PRKG1: variants seen among roughly 807,000 people sequenced by gnomAD.
The protein encoded by PRKG1 is cGMP-dependent protein kinase 1.
PRKG1 carries 35 observed loss-of-function variants against 88.1 expected under a neutral mutation model. The observed-to-expected ratio is 0.40, with a 90% CI of 0.30 to 0.53. The LOEUF (loss-of-function observed/expected upper bound fraction) is 0.53. Among genes scored for constraint, PRKG1 ranks in the 20% least tolerant of loss-of-function variants. The probability of loss-of-function intolerance (pLI) is 0.59; values close to 1 mark genes in which losing one functional copy is unlikely to be tolerated. For missense variants in PRKG1, 540 were observed against 839.8 expected, an observed-to-expected ratio of 0.64 and a Z score of 4.41; for synonymous variants, 303 against 292.5, an observed-to-expected ratio of 1.04 and a Z score of -0.37.
intron 7 of PRKG1, among the ~76,000 whole-genome samples, chr10:52,095,220 G>A (rs12573665): frequency 0.13 from 20,464 of 151,908 alleles, 1,804 homozygotes; most frequent in East Asian, 0.3. Context: ...CCTCTGCCTG[G>A]CATATTCTTT....
At chr10:52,176,638 C>A (rs964566715) in intron 9 of PRKG1, among the ~76,000 whole-genome samples, 1 of 152,088 alleles carries the variant, frequency 6.6e-6, no homozygotes, top group Non-Finnish European at 1.5e-5. Flanking sequence ...AGTATTAATT[C>A]TGATCCATGA....
intron 2 of PRKG1, among the ~76,000 whole-genome samples, chr10:51,250,067 G>T (rs1483865582): frequency 6.6e-6 from 1 of 151,774 alleles, no homozygotes; most frequent in Non-Finnish European, 1.5e-5. Context: ...TGAGCCTACA[G>T]TTACTGAATG....
At chr10:52,282,094 T>C (rs2132449340) in intron 13 of PRKG1, 59 bp from the exon 14 acceptor site, 1 of 1,417,488 alleles carries the variant, frequency 7.1e-7, no homozygotes, top group Middle Eastern at 1.9e-4. Flanking sequence ...CAAAATAACT[T>C]ATTACTTTAA....
intron 2 of PRKG1, among the ~76,000 whole-genome samples, chr10:51,428,193 G>T: frequency 6.6e-6 from 1 of 152,156 alleles, no homozygotes; most frequent in South Asian, 2.1e-4. Context: ...TTATGCAACT[G>T]CTAAAATTGA....
At chr10:51,050,335 A>G (rs1001856782) in intron 1 of PRKG1, among the ~76,000 whole-genome samples, 2 of 151,374 alleles carry the variant, frequency 1.3e-5, no homozygotes, top group African/African-American at 4.9e-5. Flanking sequence ...CCCTCCCCCA[A>G]CCCCTGGCAA....
chr10:52,063,461 C>G (rs1004930512), intron 7 of PRKG1, among the ~76,000 whole-genome samples: 1 of 152,244 alleles, frequency 6.6e-6, no homozygotes. Context: ...CTGGGCCCCC[C>G]AAAGGGCTGC....
At chr10:52,128,150 C>T in intron 7 of PRKG1, 1 of 985,292 alleles carries the variant, frequency 1.0e-6, no homozygotes, top group Non-Finnish European at 1.2e-6. Flanking sequence ...CTGCACATGA[C>T]AGAGAGTAAA....
chr10:52,210,161 A>G (rs1003964037), intron 9 of PRKG1, among the ~76,000 whole-genome samples: 2 of 152,120 alleles, frequency 1.3e-5, no homozygotes, highest in Non-Finnish European at 2.9e-5. Context: ...TACTATCATC[A>G]TTAGTATTGT....
At chr10:52,285,258 C>T (rs1842091932) in intron 14 of PRKG1, among the ~76,000 whole-genome samples, 1 of 152,070 alleles carries the variant, frequency 6.6e-6, no homozygotes, top group South Asian at 2.1e-4. Context: ...CTATTCCAGT[C>T]ACATGGCATT....
chr10:51,381,463 A>G (rs1837102309), intron 2 of PRKG1, among the ~76,000 whole-genome samples: 4 of 152,006 alleles, frequency 2.6e-5, no homozygotes, highest in Admixed American at 2.6e-4. Context: ...GTGATTCACA[A>G]CTGGGCATGG....
At chr10:52,188,958 C>A (rs1025279163) in intron 9 of PRKG1, among the ~76,000 whole-genome samples, 1 of 152,126 alleles carries the variant, frequency 6.6e-6, no homozygotes, top group African/African-American at 2.4e-5. Flanking sequence ...AACCCAAGTT[C>A]TGTTCTCTCC....
chr10:51,948,549 CGTGT>C (rs201705619), intron 5 of PRKG1, among the ~76,000 whole-genome samples: 59,590 of 147,016 alleles, frequency 0.41, 12,590 homozygotes, highest in East Asian at 0.65. Flanking sequence ...TGTGTGTGTG[CGTGT>C]GTGTGTGTGT....
intron 2 of PRKG1, among the ~76,000 whole-genome samples, chr10:51,215,682 T>C (rs1838353718): frequency 6.6e-6 from 1 of 152,176 alleles, no homozygotes; most frequent in Admixed American, 6.5e-5. Context: ...CAACATTCTT[T>C]GTCTCTCCCT....
intron 3 of PRKG1, among the ~76,000 whole-genome samples, chr10:51,526,221 G>T (rs1841880893): frequency 6.6e-6 from 1 of 152,072 alleles, no homozygotes; most frequent in Admixed American, 6.6e-5. Context: ...ACCAAGAAAA[G>T]AATATAAAGG....
intron 3 of PRKG1, among the ~76,000 whole-genome samples, chr10:51,576,247 A>G (rs1564557326): frequency 6.6e-6 from 1 of 152,002 alleles, no homozygotes; most frequent in Non-Finnish European, 1.5e-5. Flanking sequence ...ACTCTTTATT[A>G]GCATACTTCG....
intron 2 of PRKG1, among the ~76,000 whole-genome samples, chr10:51,399,928 C>A (rs1198234777): frequency 6.6e-6 from 1 of 152,142 alleles, no homozygotes. Context: ...GGATCCACAG[C>A]GTAATTTTGG....
chr10:52,125,723 C>T (rs549541414), intron 7 of PRKG1: 17 of 152,328 alleles, frequency 1.1e-4, no homozygotes, highest in African/African-American at 4.1e-4. Flanking sequence ...TCCTTCTTCA[C>T]AATTTCACAG....
Position 52,282,935 on chromosome 10 carries a change from A to G in PRKG1, c.1709+619A>G, listed in dbSNP as rs149890041. On this transcript the variant is annotated intron_variant, in intron 14 of 17. Coordinates refer to ENST00000373980, the MANE Select transcript of PRKG1 (RefSeq NM_006258.4). ...GGGTTCGTAAAGAGGCTTTTGAAGA[A>G]TGAATATAAGGCAGCTGTGTCTTGA... 5.3e-5 allele frequency among the ~76,000 whole-genome samples: 8 copies of G among 152,272 alleles called. No individual in the cohort carries two copies. The Middle Eastern group carries it at 0.01, about 194-fold the overall frequency.
Position 51,495,190 on chromosome 10 carries a change from G to T in PRKG1, c.592+27354G>T, listed in dbSNP as rs539485523. On this transcript the variant is annotated intron_variant, in intron 3 of 17. Coordinates refer to ENST00000373980, the MANE Select transcript of PRKG1 (RefSeq NM_006258.4). ...GCTCACTGCAACCTCTGCCTCTGGGGTTCAAGCTATTCTCCTGCCTCAGCC... is the reference window on the plus strand; with the variant it reads ...GCTCACTGCAACCTCTGCCTCTGGGTTTCAAGCTATTCTCCTGCCTCAGCC... 4.9e-3 allele frequency among the ~76,000 whole-genome samples: 749 copies of T among 152,260 alleles called. 4 individuals carry two copies. Among genetic ancestry groups the T allele is most frequent in the African/African-American group, 0.017 (722 of 41,532 alleles).
Sources: gnomAD v4.1 joint callset for allele counts (sites outside exome capture counted in the v4.1 genomes callset) on GRCh38, gnomAD v4.1.1 for gene constraint, MANE v1.5 for transcripts, NCBI Gene and HGNC (gene_info 2026-07-23, HGNC 2026-07-21) for gene names.